RBFOX2: variants seen among roughly 807,000 people sequenced by gnomAD.
RBFOX2 encodes RNA binding protein fox-1 homolog 2.
A neutral mutation model predicts 49.1 loss-of-function variants in RBFOX2; 10 were observed. The ratio of observed to expected loss-of-function variants is 0.20; its 90% confidence interval spans 0.13 to 0.35. The LOEUF (loss-of-function observed/expected upper bound fraction) is 0.35, where lower values mean the gene tolerates loss of function less well. Among genes scored for constraint, RBFOX2 ranks in the 10% least tolerant of loss-of-function variants. The pLI is 1.00. For missense variants in RBFOX2, 323 were observed against 486.9 expected, an observed-to-expected ratio of 0.66 and a Z score of 3.17; for synonymous variants, 183 against 187.4, an observed-to-expected ratio of 0.98 and a Z score of 0.19.
upstream of RBFOX2, among the ~76,000 whole-genome samples, chr22:35,939,795 A>T (rs2053511010): frequency 6.6e-6 from 1 of 152,180 alleles, no homozygotes; most frequent in Non-Finnish European, 1.5e-5. Context: ...TCATTCAGTT[A>T]ATATATACTA....
intron 1 of RBFOX2, among the ~76,000 whole-genome samples, chr22:35,851,245 C>T (rs2041900159): frequency 6.6e-6 from 1 of 152,142 alleles, no homozygotes; most frequent in Admixed American, 6.5e-5. Context: ...TTAGGAGGAC[C>T]ACTATACTCG....
At chr22:35,786,296 G>A (rs544890388) in intron 2 of RBFOX2, among the ~76,000 whole-genome samples, 7 of 152,096 alleles carry the variant, frequency 4.6e-5, no homozygotes, top group African/African-American at 9.7e-5. Flanking sequence ...GTGAACACCC[G>A]TCCCCCTTGT....
At chr22:35,932,698 T>G (rs1003290335) in intron 1 of RBFOX2, among the ~76,000 whole-genome samples, 1 of 152,120 alleles carries the variant, frequency 6.6e-6, no homozygotes, top group Admixed American at 6.5e-5. Flanking sequence ...CTGGCCAACA[T>G]GGCAAAACAC....
intron 1 of RBFOX2, among the ~76,000 whole-genome samples, chr22:35,955,087 T>C (rs2055393082): frequency 6.6e-6 from 1 of 152,224 alleles, no homozygotes; most frequent in African/African-American, 2.4e-5. Context: ...CCTCTAACTC[T>C]AGCCCACGCT....
intron 4 of RBFOX2, chr22:35,777,612 T>C (rs1220951554): frequency 6.0e-6 from 1 of 167,846 alleles, no homozygotes. Context: ...GTTCTAAGTA[T>C]GCTGTTTTGA....
exon 5 of RBFOX2, chr22:35,768,341 C>A (rs1941649760): frequency 1.2e-6 from 2 of 1,613,810 alleles, no homozygotes; most frequent in African/African-American, 1.3e-5. Flanking sequence ...AAGTTACGAA[C>A]CCGAATCCCT....
intron 1 of RBFOX2, among the ~76,000 whole-genome samples, chr22:35,893,778 T>TTATGTTAAC (rs1186564415): frequency 3.3e-5 from 5 of 152,200 alleles, no homozygotes; most frequent in African/African-American, 1.2e-4. Context: ...CAGTTAACAT[T>TTATGTTAAC]TGCTTTCTGA....
chr22:35,762,149 A>C (rs1470952095), intron 6 of RBFOX2, among the ~76,000 whole-genome samples: 2 of 152,244 alleles, frequency 1.3e-5, no homozygotes, highest in African/African-American at 2.4e-5. Context: ...TTCTTAGCTA[A>C]AGAACACCAG....
chr22:35,931,927 A>G (rs181762949), intron 1 of RBFOX2, among the ~76,000 whole-genome samples: 29 of 152,332 alleles, frequency 1.9e-4, no homozygotes, highest in Non-Finnish European at 3.8e-4. Context: ...ACAATCGACA[A>G]TTTTTTGAAG....
intron 1 of RBFOX2, among the ~76,000 whole-genome samples, chr22:35,972,952 C>T (rs2056960198): frequency 6.6e-6 from 1 of 152,190 alleles, no homozygotes; most frequent in Admixed American, 6.5e-5. Context: ...TACTAAGCTA[C>T]TGAAATGTAA....
intron 1 of RBFOX2, among the ~76,000 whole-genome samples, chr22:35,967,974 C>T (rs2056659940): frequency 6.6e-6 from 1 of 152,076 alleles, no homozygotes; most frequent in African/African-American, 2.4e-5. Flanking sequence ...AACAGTGGGG[C>T]AGGAAAGGAA....
At chr22:35,806,678 T>G (rs1436194529) in intron 2 of RBFOX2, among the ~76,000 whole-genome samples, 1 of 152,192 alleles carries the variant, frequency 6.6e-6, no homozygotes, top group African/African-American at 2.4e-5. Context: ...CATGAGACAG[T>G]AAAATGACAG....
chr22:35,815,739 C>G (rs909374220), intron 1 of RBFOX2, among the ~76,000 whole-genome samples: 2 of 152,174 alleles, frequency 1.3e-5, no homozygotes, highest in African/African-American at 4.8e-5. Flanking sequence ...CTGACAATGT[C>G]ACTAATAGTT....
exon 1 of RBFOX2, chr22:35,840,453 A>T: frequency 3.5e-6 from 5 of 1,418,936 alleles, no homozygotes; most frequent in Non-Finnish European, 4.6e-6. Flanking sequence ...TATCTCAGGC[A>T]GATGGCTGAA....
At chr22:35,854,736 A>G (rs541910182) in intron 1 of RBFOX2, among the ~76,000 whole-genome samples, 10 of 152,306 alleles carry the variant, frequency 6.6e-5, no homozygotes, top group African/African-American at 2.4e-4. Flanking sequence ...ATGTCAAAAT[A>G]ATGTAATATT....
chr22:36,004,725 G>A (rs188158737), intron 1 of RBFOX2, among the ~76,000 whole-genome samples: 1 of 152,196 alleles, frequency 6.6e-6, no homozygotes, highest in Admixed American at 6.5e-5. Context: ...GAACCCAGGT[G>A]GTGGAGGTTG....
At chr22:35,887,485 T>C (rs985878570) in intron 1 of RBFOX2, among the ~76,000 whole-genome samples, 1 of 152,174 alleles carries the variant, frequency 6.6e-6, no homozygotes, top group Non-Finnish European at 1.5e-5. Context: ...AGACTGCCCC[T>C]GAGATTACTG....
intron 1 of RBFOX2, among the ~76,000 whole-genome samples, chr22:35,984,648 T>C (rs1481549945): frequency 6.6e-6 from 1 of 152,198 alleles, no homozygotes; most frequent in Non-Finnish European, 1.5e-5. Flanking sequence ...CAATTTTTTT[T>C]TAACCAAAGA....
chr22:36,023,031 A>AT (rs1192919735), intron 1 of RBFOX2, among the ~76,000 whole-genome samples: 1 of 152,144 alleles, frequency 6.6e-6, no homozygotes, highest in Non-Finnish European at 1.5e-5. Flanking sequence ...AAATTCAGTA[A>AT]TTTCAGTGAA....
Sources: gnomAD v4.1 joint callset for allele counts (sites outside exome capture counted in the v4.1 genomes callset) on GRCh38, gnomAD v4.1.1 for gene constraint, MANE v1.5 for transcripts, NCBI Gene and HGNC (gene_info 2026-07-23, HGNC 2026-07-21) for gene names.